Variants in EVC2 observed in about 807,000 individuals in gnomAD.
EVC2 encodes limbin.
EVC2 carries 148 observed loss-of-function variants against 149.3 expected under a neutral mutation model. The ratio of observed to expected loss-of-function variants is 0.99; its 90% CI spans 0.87 to 1.14. The LOEUF (loss-of-function observed/expected upper bound fraction) is 1.14, where lower values mean the gene tolerates loss of function less well. Among genes scored for constraint, EVC2 ranks in the 50% most tolerant of loss-of-function variants. The pLI is 0.00. For synonymous variants in EVC2, 776 were observed against 649.9 expected (o/e 1.19, Z -2.95); for missense variants, 1,854 against 1,627.3 (o/e 1.14, Z -2.40).
chr4:5,701,204 T>C (rs1721801907), intron 1 of EVC2, among the ~76,000 whole-genome samples: 2 of 152,218 alleles, frequency 1.3e-5, no homozygotes, highest in Non-Finnish European at 2.9e-5. Context: ...AAACATCTCC[T>C]TCTGATCTCT....
At position 5,679,036 on chromosome 4, in the gene EVC2, AG is replaced by A. The variant is rs1427421867; in HGVS notation, c.870+2223del. Among the ~76,000 whole-genome samples, 1 of 151,482 alleles carries A rather than the reference AG, an allele frequency of 6.6e-6. No homozygotes were observed. Among genetic ancestry groups the A allele is most frequent in the Non-Finnish European group, 1.5e-5 (1 of 67,932 alleles). On this transcript the variant is annotated intron_variant, in intron 7 of 21. Transcript: ENST00000344408. This position sits in a 1 kb window ranked among gnomAD's most constrained non-coding sequence, Gnocchi z 5.1. ...ACAAAGCAAGACTCTAAGAAAAAAA[AG>A]AAAGAAAGAAAAGAAAAATATGTAC...
At chr4:5,668,877 G>A (rs1478699294) in intron 7 of EVC2, among the ~76,000 whole-genome samples, 1 of 152,198 alleles carries the variant, frequency 6.6e-6, no homozygotes, top group Admixed American at 6.5e-5. Flanking sequence ...CAATACCTAT[G>A]AATGTGACTT....
chr4:5,691,713 G>A (rs560295383), intron 3 of EVC2, among the ~76,000 whole-genome samples: 15 of 152,266 alleles, frequency 9.9e-5, no homozygotes, highest in African/African-American at 3.6e-4. Flanking sequence ...TGTGCACCAT[G>A]GTGCGCTGGA....
chr4:5,608,692 C>A (rs1056411781), intron 16 of EVC2, among the ~76,000 whole-genome samples: 13 of 152,176 alleles, frequency 8.5e-5, no homozygotes, highest in African/African-American at 2.6e-4. Context: ...CACCACCACA[C>A]CCAGCTAATT....
At chr4:5,565,672 CAAAAA>C (rs949664571) in intron 20 of EVC2, among the ~76,000 whole-genome samples, 1 of 81,778 alleles carries the variant, frequency 1.2e-5, no homozygotes. Flanking sequence ...GACTCCATCT[CAAAAA>C]AAAAAAAAAA....
chr4:5,649,090 G>A (rs187661961), intron 9 of EVC2, among the ~76,000 whole-genome samples: 1 of 152,304 alleles, frequency 6.6e-6, no homozygotes, highest in African/African-American at 2.4e-5. Flanking sequence ...ACAATCCCAT[G>A]AGGCGGACAG....
At chr4:5,556,826 A>T (rs1339843177) in intron 21 of EVC2, among the ~76,000 whole-genome samples, 3 of 152,194 alleles carry the variant, frequency 2.0e-5, no homozygotes, top group Non-Finnish European at 4.4e-5. Context: ...AATTTTGGTA[A>T]CTTAGGTGAA....
intron 16 of EVC2, among the ~76,000 whole-genome samples, chr4:5,590,973 C>T (rs1712743084): frequency 6.6e-6 from 1 of 152,124 alleles, no homozygotes; most frequent in Non-Finnish European, 1.5e-5. Context: ...CTCATGAGAA[C>T]TCACTCACTA....
chr4:5,676,830 G>A (rs760519666), intron 7 of EVC2, among the ~76,000 whole-genome samples: 17 of 151,634 alleles, frequency 1.1e-4, no homozygotes, highest in Non-Finnish European at 2.2e-4. Context: ...TTCAGTGAGC[G>A]CTGTGCATTC....
downstream of EVC2, among the ~76,000 whole-genome samples, chr4:5,559,760 A>G (rs887809627): frequency 6.6e-6 from 1 of 152,248 alleles, no homozygotes; most frequent in Non-Finnish European, 1.5e-5. The surrounding 1 kb of genome is among the most constrained non-coding windows in gnomAD (Gnocchi z 5.0). Flanking sequence ...TATAAAATAA[A>G]TATCCATGAG....
At chr4:5,530,524 CGT>C in the EVC2 span, among the ~76,000 whole-genome samples, 25,973 of 151,102 alleles carry the variant, frequency 0.17, 2,974 homozygotes, top group East Asian at 0.61. Context: ...ACAGTTACCG[CGT>C]GTGTGTGTGT....
At chr4:5,612,660 C>T (rs1175436069) in intron 16 of EVC2, among the ~76,000 whole-genome samples, 2 of 152,104 alleles carry the variant, frequency 1.3e-5, no homozygotes, top group African/African-American at 4.8e-5. Flanking sequence ...TGGTGGCTCA[C>T]GCCTATAATC....
At chr4:5,668,218 A>G (rs1719398613) in intron 7 of EVC2, among the ~76,000 whole-genome samples, 1 of 152,208 alleles carries the variant, frequency 6.6e-6, no homozygotes, top group Non-Finnish European at 1.5e-5. Flanking sequence ...AGTCAAGGTT[A>G]CATTTTTTCT....
intron 9 of EVC2, among the ~76,000 whole-genome samples, chr4:5,662,093 C>G (rs1023942661): frequency 1.3e-5 from 2 of 152,174 alleles, no homozygotes; most frequent in Non-Finnish European, 2.9e-5. Flanking sequence ...TCTTTATTTT[C>G]TATACTCAAT....
chr4:5,602,346 T>C (rs186222052), intron 16 of EVC2, among the ~76,000 whole-genome samples: 49 of 91,368 alleles, frequency 5.4e-4, no homozygotes, highest in African/African-American at 1.7e-3. Flanking sequence ...TGATGATAAA[T>C]ACATAGAAAA....
intron 9 of EVC2, among the ~76,000 whole-genome samples, chr4:5,658,959 G>A (rs1718707946): frequency 6.6e-6 from 1 of 152,164 alleles, no homozygotes; most frequent in Non-Finnish European, 1.5e-5. Context: ...AGCATGTGCT[G>A]AGACTGAGTC....
At chr4:5,531,977 A>G in the EVC2 span, among the ~76,000 whole-genome samples, 3 of 152,022 alleles carry the variant, frequency 2.0e-5, no homozygotes, top group East Asian at 1.9e-4. Flanking sequence ...TGTAAATGCT[A>G]TATAAGTACT....
chr4:5,660,259 C>A (rs1035662375), intron 9 of EVC2, among the ~76,000 whole-genome samples: 3 of 152,178 alleles, frequency 2.0e-5, no homozygotes, highest in African/African-American at 4.8e-5. Flanking sequence ...GCAAGGTCAG[C>A]CCTGCACTTA....
intron 4 of EVC2, 106 bp downstream of exon 4, chr4:5,691,159 G>C (rs929647386): frequency 9.0e-6 from 9 of 1,000,162 alleles, no homozygotes; most frequent in African/African-American, 1.6e-5. Flanking sequence ...GACTTGTGTA[G>C]GTAAGCCCAT....
Sources: allele counts gnomAD v4.1 joint callset (sites outside exome capture counted in the v4.1 genomes callset), GRCh38; gene constraint gnomAD v4.1.1; non-coding constraint Gnocchi (gnomAD v3.1); transcripts MANE v1.5; gene names NCBI Gene and HGNC (gene_info 2026-07-23, HGNC 2026-07-21).